HK1: variants seen among roughly 807,000 people sequenced by gnomAD.
HK1 encodes hexokinase 1, also known as hexokinase-1.
In HK1, 28 loss-of-function variants were observed where a neutral mutation model predicts 91.6. That is an observed-to-expected ratio of 0.31 (90% CI 0.23 to 0.42). The LOEUF is 0.42. HK1 is among the 10% of genes least tolerant of loss of function. The pLI is 1.00. For missense variants in HK1, 770 were observed against 1,219.8 expected (o/e 0.63, Z 5.49); for synonymous variants, 430 against 468.1 (o/e 0.92, Z 1.05).
At chr10:69,312,102 C>T (rs1484314669), upstream of HK1, among the ~76,000 whole-genome samples, 1 of 152,176 alleles carries the variant, frequency 6.6e-6, no homozygotes, top group Non-Finnish European at 1.5e-5. Flanking sequence ...AGGAAAACTT[C>T]CGCTTCCCCC....
intron 2 of HK1, among the ~76,000 whole-genome samples, chr10:69,347,711 G>GT (rs1848639851): frequency 6.6e-6 from 1 of 152,104 alleles, no homozygotes; most frequent in South Asian, 2.1e-4. Context: ...TGGGATTACA[G>GT]GTGTGAGCCA....
intron 1 of HK1, among the ~76,000 whole-genome samples, chr10:69,329,833 C>T (rs1311165956): frequency 1.3e-5 from 2 of 152,110 alleles, no homozygotes; most frequent in African/African-American, 4.8e-5. Flanking sequence ...ATGGTGTCTC[C>T]TGCCTGTGCC....
At chr10:69,317,065 C>T (rs1846684865), upstream of HK1, among the ~76,000 whole-genome samples, 1 of 152,176 alleles carries the variant, frequency 6.6e-6, no homozygotes, top group Non-Finnish European at 1.5e-5. Flanking sequence ...AATAAATTGG[C>T]ACTCTCTATG....
intron 2 of HK1, among the ~76,000 whole-genome samples, chr10:69,285,209 T>G (rs1456968429): frequency 6.6e-6 from 1 of 151,202 alleles, no homozygotes; most frequent in Non-Finnish European, 1.5e-5. Context: ...CCGAGGTGGG[T>G]GGATCGCAAG....
At chr10:69,313,492 C>T (rs1589467456), upstream of HK1, among the ~76,000 whole-genome samples, 7 of 152,122 alleles carry the variant, frequency 4.6e-5, no homozygotes, top group South Asian at 1.5e-3. Flanking sequence ...GACGGAATTT[C>T]GCTTTTGTGG....
intron 2 of HK1, among the ~76,000 whole-genome samples, chr10:69,348,862 G>T (rs556851175): frequency 2.6e-5 from 4 of 151,834 alleles, no homozygotes; most frequent in Admixed American, 6.6e-5. Context: ...GGCATTTCCC[G>T]CAGGCAGAGT....
At chr10:69,353,434 C>CA (rs1385163896) in intron 2 of HK1, among the ~76,000 whole-genome samples, 1 of 151,238 alleles carries the variant, frequency 6.6e-6, no homozygotes. Flanking sequence ...ACACAAAATA[C>CA]AAAAAAAAGT....
intron 2 of HK1, among the ~76,000 whole-genome samples, chr10:69,286,940 T>C (rs12242332): frequency 0.09 from 13,645 of 152,214 alleles, 1,080 homozygotes; most frequent in African/African-American, 0.21. Context: ...CTAGAAGGCT[T>C]TACGCTTTCA....
chr10:69,344,302 A>C (rs1455399008), intron 2 of HK1, among the ~76,000 whole-genome samples: 2 of 152,212 alleles, frequency 1.3e-5, no homozygotes, highest in Non-Finnish European at 2.9e-5. Flanking sequence ...TAGAAAGTGT[A>C]GTGTTTATGG....
chr10:69,319,001 G>A lies in HK1; in HGVS notation c.54G>A (p.Gln18=), dbSNP rs951744260. 4 of 1,601,998 alleles carry A rather than the reference G, an allele frequency of 2.5e-6. No homozygotes were observed. In the South Asian group the frequency reaches 4.5e-5, roughly 18 times the overall value. Residue 18 remains glutamine (Q), a synonymous_variant, in exon 1 of 18, where the codon CAG becomes CAA. Coordinates refer to ENST00000359426, the MANE Select transcript of HK1 (RefSeq NM_000188.3). The stretch of plus-strand genomic sequence containing the variant: ...ACTTCACGGAGCTGAAGGATGACCA[G>A]GTCAAAAAGGTGAGCCCCCGCCCGC... ...AYYFTELKDD[Q]VKKIDKYLYA...
chr10:69,285,157 G>A (rs886803877), intron 2 of HK1, among the ~76,000 whole-genome samples: 3 of 152,182 alleles, frequency 2.0e-5, no homozygotes, highest in Non-Finnish European at 4.4e-5. Flanking sequence ...CAAACAGGCC[G>A]GGCGCGGTGG....
Position 69,389,304 on chromosome 10 carries a change from T to C in HK1, c.2035+8T>C. 1 of 1,588,706 alleles carries C rather than the reference T, an allele frequency of 6.3e-7. No individual in the cohort carries two copies. The highest frequency in any genetic ancestry group is 1.3e-5 in the African/African-American group (1 of 74,546). On this transcript the variant is annotated splice_region_variant and intron_variant, in intron 14 of 17. Transcript: ENST00000359426. Reference sequence around the variant, plus strand: ...AGGTTGGACTCATTGTTGGTGAGTGTCCTGGAAGGTCTCTTTCCCTGCAGA... The same window carrying C: ...AGGTTGGACTCATTGTTGGTGAGTGCCCTGGAAGGTCTCTTTCCCTGCAGA...
chr10:69,383,128 G>C (rs1233084961), intron 10 of HK1, among the ~76,000 whole-genome samples: 1 of 152,056 alleles, frequency 6.6e-6, no homozygotes, highest in Non-Finnish European at 1.5e-5. Flanking sequence ...CTTGAGCCCA[G>C]GAGTTCAAGA....
intron 8 of HK1, among the ~76,000 whole-genome samples, chr10:69,379,131 C>T (rs538202858): frequency 2.3e-4 from 35 of 151,684 alleles, no homozygotes; most frequent in East Asian, 7.8e-4. Context: ...TTATTTGGGG[C>T]GAGGTTGGTT....
chr10:69,373,711 C>T (rs1005160893), intron 7 of HK1, among the ~76,000 whole-genome samples: 1 of 152,026 alleles, frequency 6.6e-6, no homozygotes, highest in African/African-American at 2.4e-5. Context: ...CTGCCTCAGC[C>T]TCCTGAGTAG....
At chr10:69,281,482 G>C (rs1424396726) in intron 1 of HK1, among the ~76,000 whole-genome samples, 1 of 152,074 alleles carries the variant, frequency 6.6e-6, no homozygotes, top group Non-Finnish European at 1.5e-5. Context: ...CTGCCTCAGG[G>C]GCCTCCAAAG....
In HK1 at chr10:69,392,222, C is replaced by T. The variant is rs1466736958; in HGVS notation, c.2133C>T (p.Ala711=). The part of the protein sequence containing the change: ...GQMCINMEWG[A]FGDNGCLDDI... ...TGTGCATCAACATGGAGTGGGGGGCCTTTGGGGACAACGGGTGTCTGGATG... is the reference window on the plus strand; with the variant it reads ...TGTGCATCAACATGGAGTGGGGGGCTTTTGGGGACAACGGGTGTCTGGATG... The change falls in exon 15 of 18, where the codon GCC becomes GCT. Residue 711 remains alanine, a synonymous_variant. Transcript: ENST00000359426. 6.2e-7 allele frequency: 1 copy of T among 1,614,140 alleles called. No homozygotes were observed.
At chr10:69,284,954 C>G (rs1028929311) in intron 2 of HK1, among the ~76,000 whole-genome samples, 1 of 151,996 alleles carries the variant, frequency 6.6e-6, no homozygotes, top group Non-Finnish European at 1.5e-5. Context: ...ATAGCTGGGA[C>G]TACAGGTGCC....
intron 1 of HK1, among the ~76,000 whole-genome samples, chr10:69,279,934 G>C (rs74138350): frequency 0.025 from 3,833 of 152,230 alleles, 152 homozygotes; most frequent in African/African-American, 0.084. Flanking sequence ...AAGTCCAGGA[G>C]CTTATTTTAT....
Sources: allele counts gnomAD v4.1 joint callset (sites outside exome capture counted in the v4.1 genomes callset), GRCh38; gene constraint gnomAD v4.1.1; transcripts MANE v1.5; gene names NCBI Gene and HGNC (gene_info 2026-07-23, HGNC 2026-07-21).